The following BNC2 variants were observed in gnomAD, a reference collection of about 807,000 sequenced individuals.
BNC2 encodes the protein zinc finger protein basonuclin-2.
BNC2 carries 20 observed loss-of-function variants against 76.3 expected under a neutral mutation model. The observed-to-expected ratio is 0.26, with a 90% CI of 0.18 to 0.38. The LOEUF is 0.38. Ranked by LOEUF, BNC2 falls within the 10% of genes least tolerant of loss-of-function variation. The probability of loss-of-function intolerance (pLI) is 1.00; values close to 1 mark genes in which losing one functional copy is unlikely to be tolerated. For synonymous variants in BNC2, 582 were observed against 514.8 expected, an observed-to-expected ratio of 1.13 and a Z score of -1.77; for missense variants, 1,382 against 1,399.8, an observed-to-expected ratio of 0.99 and a Z score of 0.20.
At position 16,727,814 on chromosome 9, in the gene BNC2, A is replaced by G. The variant is rs866081065; in HGVS notation, c.313T>C (p.Phe105Leu). 6.2e-7 allele frequency: 1 copy of G among 1,614,198 alleles called. No homozygotes were observed. Among genetic ancestry groups the G allele is most frequent in the African/African-American group, 1.3e-5 (1 of 75,062 alleles). Reference protein sequence around the residue: ...TWQNADTNLLFRMSQQAIRCT... With the variant: ...TWQNADTNLLLRMSQQAIRCT... ...TAACTTACCTGTTGGGACATTCTGA[A>G]TAAGAGGTTAGTATCAGCGTTTTGC... is the stretch of plus-strand genomic sequence containing the variant. The change falls in exon 3 of 7, where the codon TTC (phenylalanine) becomes CTC (leucine). Residue 105 changes from phenylalanine (F) to leucine (L), a missense_variant. By Grantham distance (22) the Phe-to-Leu change is conservative (BLOSUM62 0). Coordinates refer to ENST00000380672, the MANE Select transcript of BNC2 (RefSeq NM_017637.6).
At chr9:16,733,308 C>CT (rs1824567170) in intron 2 of BNC2, among the ~76,000 whole-genome samples, 1 of 152,150 alleles carries the variant, frequency 6.6e-6, no homozygotes, top group Non-Finnish European at 1.5e-5. Context: ...TGACAGCAAG[C>CT]TTTTTCCCTT....
intron 2 of BNC2, among the ~76,000 whole-genome samples, chr9:16,731,910 G>A (rs1824514721): frequency 6.6e-6 from 1 of 151,888 alleles, no homozygotes; most frequent in South Asian, 2.1e-4. Flanking sequence ...AAACCTTTTT[G>A]CATATAACTA....
intron 3 of BNC2, among the ~76,000 whole-genome samples, chr9:16,632,597 T>C (rs144953109): frequency 3.5e-4 from 54 of 152,328 alleles, no homozygotes; most frequent in Admixed American, 7.2e-4. Context: ...ACTTATTCTC[T>C]TGATAAAATA....
At chr9:16,633,142 G>A (rs1020317236) in intron 3 of BNC2, among the ~76,000 whole-genome samples, 6 of 152,136 alleles carry the variant, frequency 3.9e-5, no homozygotes, top group East Asian at 3.9e-4. Context: ...AATTTTCTGC[G>A]CAATTTGCCT....
At position 16,596,645 on chromosome 9, in the gene BNC2, G is replaced by C. The variant is rs113183721; in HGVS notation, c.331-13560C>G. Among the ~76,000 whole-genome samples the C allele has an allele frequency of 5.9e-3, 900 of 152,138 alleles. 6 individuals are homozygous for C. The highest frequency in any genetic ancestry group is 0.02 in the African/African-American group (847 of 41,540). On this transcript the variant is annotated intron_variant, in intron 3 of 6. Coordinates refer to ENST00000380672, the MANE Select transcript of BNC2 (RefSeq NM_017637.6). ...AACAGTAAAAACTACAATATATTTTGAACATTTAAGAGAAAGAGGAGAGTT... is the reference window on the plus strand; with the variant it reads ...AACAGTAAAAACTACAATATATTTTCAACATTTAAGAGAAAGAGGAGAGTT...
At chr9:16,592,952 A>G (rs1819973638) in intron 3 of BNC2, among the ~76,000 whole-genome samples, 1 of 152,090 alleles carries the variant, frequency 6.6e-6, no homozygotes, top group Non-Finnish European at 1.5e-5. Context: ...ATCCACTGCC[A>G]TTTTTCTATC....
Position 16,710,054 on chromosome 9 carries a change from C to T in BNC2, c.330+17743G>A, listed in dbSNP as rs550261211. ...AACAGACATTCTCTTATTTTCAAGA[C>T]ATTCATATGTAAATGAATGCTGATG... On this transcript the variant is annotated intron_variant, in intron 3 of 6. Transcript: ENST00000380672. 2.8e-4 allele frequency among the ~76,000 whole-genome samples: 43 copies of T among 151,958 alleles called. No homozygotes were observed. In the South Asian group the frequency reaches 8.1e-3, roughly 29 times the overall value.
intron 5 of BNC2, among the ~76,000 whole-genome samples, chr9:16,548,125 T>C (rs994853907): frequency 1.1e-4 from 17 of 152,216 alleles, no homozygotes; most frequent in African/African-American, 3.9e-4. Flanking sequence ...CTCTGAATTC[T>C]GGCAGGACCC....
intron 4 of BNC2, among the ~76,000 whole-genome samples, chr9:16,578,818 G>A (rs1250818736): frequency 6.6e-6 from 1 of 152,120 alleles, no homozygotes; most frequent in African/African-American, 2.4e-5. Context: ...AACGCACTGA[G>A]AAGATAAAGC....
chr9:16,698,080 A>G (rs1823391345), intron 3 of BNC2, among the ~76,000 whole-genome samples: 1 of 152,206 alleles, frequency 6.6e-6, no homozygotes, highest in South Asian at 2.1e-4. Context: ...ATTGAAATAG[A>G]GCCCTGCCTA....
intron 1 of BNC2, among the ~76,000 whole-genome samples, chr9:16,856,913 G>C (rs1262011120): frequency 2.0e-5 from 3 of 152,144 alleles, no homozygotes; most frequent in Non-Finnish European, 2.9e-5. Flanking sequence ...AGAGAATTGA[G>C]TGGCCTTTCT....
chr9:16,854,278 A>C (rs1819199941), intron 1 of BNC2, among the ~76,000 whole-genome samples: 1 of 152,250 alleles, frequency 6.6e-6, no homozygotes, highest in Non-Finnish European at 1.5e-5. Flanking sequence ...TCTGGTCCAT[A>C]AAATAATACC....
Position 16,443,671 on chromosome 9 carries a change from G to T in BNC2, c.670-6147C>A, listed in dbSNP as rs545918646. Among the ~76,000 whole-genome samples, 4 of 152,152 alleles carry T rather than the reference G, an allele frequency of 2.6e-5. No individual in the cohort carries two copies. In the South Asian group the frequency reaches 8.3e-4, roughly 32 times the overall value. On this transcript the variant is annotated intron_variant, in intron 5 of 6. Coordinates refer to ENST00000380672, the MANE Select transcript of BNC2 (RefSeq NM_017637.6). ...ATGGAATAGTACTGCACAATAAAAA[G>T]AACTAAGCTACCGACTACAACATGG...
At chr9:16,603,768 T>G (rs2133333185) in intron 3 of BNC2, among the ~76,000 whole-genome samples, 1 of 152,354 alleles carries the variant, frequency 6.6e-6, no homozygotes, top group East Asian at 1.9e-4. Flanking sequence ...GTATTTCTGC[T>G]CATAACCTTG....
At chr9:16,576,417 G>C (rs1819487241) in intron 4 of BNC2, among the ~76,000 whole-genome samples, 1 of 152,138 alleles carries the variant, frequency 6.6e-6, no homozygotes, top group Admixed American at 6.6e-5. Flanking sequence ...AGAAGACTAG[G>C]GAAGAAAAGA....
chr9:16,520,029 A>C (rs1817565570), intron 5 of BNC2, among the ~76,000 whole-genome samples: 1 of 152,202 alleles, frequency 6.6e-6, no homozygotes, highest in African/African-American at 2.4e-5. Context: ...CCTTCTTGAG[A>C]AACTCTAATG....
At position 16,416,905 on chromosome 9, in the gene BNC2, C is replaced by G. The variant is rs1820595272; in HGVS notation, c.*2084G>C. 1 of 152,434 alleles carries G rather than the reference C, an allele frequency of 6.6e-6. No homozygotes were observed. The highest frequency in any genetic ancestry group is 6.6e-5 in the Admixed American group (1 of 15,262). 9.4% of individuals were successfully genotyped at this position (152,434 alleles called of 1,614,324 possible). ...ACAACAGAAACATATTAACAGTTTC[C>G]TTTGGCAAATTTAACGGAAGTGAAT... On this transcript the variant is annotated 3_prime_UTR_variant, in exon 7 of 7. Coordinates refer to ENST00000380672, the MANE Select transcript of BNC2 (RefSeq NM_017637.6).
intron 1 of BNC2, among the ~76,000 whole-genome samples, chr9:16,839,653 G>A (rs746962616): frequency 7.7e-4 from 117 of 152,146 alleles, no homozygotes; most frequent in Non-Finnish European, 2.6e-4. Context: ...ATCACTATAT[G>A]CCTATTAGGC....
chr9:16,793,393 T>C (rs1211706486), intron 1 of BNC2, among the ~76,000 whole-genome samples: 1 of 152,190 alleles, frequency 6.6e-6, no homozygotes, highest in Admixed American at 6.5e-5. Context: ...ATCAAGGTTC[T>C]GCCAGTGGTG....
Sources: allele counts gnomAD v4.1 joint callset (sites outside exome capture counted in the v4.1 genomes callset), GRCh38; gene constraint gnomAD v4.1.1; transcripts MANE v1.5; gene names NCBI Gene and HGNC (gene_info 2026-07-23, HGNC 2026-07-21).